The following ATP2B2 variants were observed in gnomAD, a reference collection of about 807,000 sequenced individuals.
The protein encoded by ATP2B2 is ATPase plasma membrane Ca2+ transporting 2.
In ATP2B2, 15 loss-of-function variants were observed where a neutral mutation model predicts 120.0. The ratio of observed to expected loss-of-function variants is 0.12; its 90% CI spans 0.08 to 0.19. The LOEUF is 0.19. Ranked by LOEUF, ATP2B2 falls within the 10% of genes least tolerant of loss-of-function variation. The pLI is 1.00. For synonymous variants in ATP2B2, 694 were observed against 700.3 expected, an observed-to-expected ratio of 0.99 and a Z score of 0.14; for missense variants, 1,045 against 1,719.8, an observed-to-expected ratio of 0.61 and a Z score of 6.94.
intron 1 of ATP2B2, among the ~76,000 whole-genome samples, chr3:10,644,821 G>C (rs912099153): frequency 3.9e-5 from 6 of 152,206 alleles, no homozygotes; most frequent in African/African-American, 1.4e-4. Flanking sequence ...CTAGATAGAA[G>C]TGGTGGCTGC....
chr3:10,488,916 C>T (rs2065832555), intron 1 of ATP2B2, among the ~76,000 whole-genome samples: 1 of 152,178 alleles, frequency 6.6e-6, no homozygotes, highest in South Asian at 2.1e-4. Context: ...TCCTGTCATT[C>T]TTCGAGGAAA....
intron 12 of ATP2B2, among the ~76,000 whole-genome samples, chr3:10,365,503 C>G (rs192499703): frequency 2.6e-5 from 4 of 152,152 alleles, no homozygotes; most frequent in African/African-American, 7.2e-5. Context: ...TGCGGGTGTC[C>G]GGGACGACAG....
chr3:10,410,246 T>A (rs1401003312), intron 3 of ATP2B2, among the ~76,000 whole-genome samples: 1 of 152,208 alleles, frequency 6.6e-6, no homozygotes, highest in Non-Finnish European at 1.5e-5. Context: ...GGTACACCCA[T>A]CACCCAAGCA....
At chr3:10,485,349 G>T (rs941079641) in intron 1 of ATP2B2, among the ~76,000 whole-genome samples, 2 of 152,214 alleles carry the variant, frequency 1.3e-5, no homozygotes, top group Non-Finnish European at 2.9e-5. Context: ...GACAGGGCTG[G>T]GAGCTTTGCC....
chr3:10,476,597 G>T (rs1276284053), intron 1 of ATP2B2, among the ~76,000 whole-genome samples: 2 of 152,196 alleles, frequency 1.3e-5, no homozygotes, highest in Non-Finnish European at 2.9e-5. Context: ...GTGGCTGCAT[G>T]GCACAGGATC....
chr3:10,465,986 G>A (rs1455999793), intron 1 of ATP2B2, among the ~76,000 whole-genome samples: 6 of 152,214 alleles, frequency 3.9e-5, no homozygotes, highest in Admixed American at 3.9e-4. Context: ...ACAAAGCTCA[G>A]AAGAGGCCCT....
intron 2 of ATP2B2, among the ~76,000 whole-genome samples, chr3:10,542,433 A>G (rs773251919): frequency 9.2e-5 from 14 of 152,178 alleles, no homozygotes; most frequent in Non-Finnish European, 1.2e-4. Context: ...TTTGCTTATC[A>G]TGTTCTTCCT....
intron 1 of ATP2B2, among the ~76,000 whole-genome samples, chr3:10,646,738 TG>T (rs201002515): frequency 0.011 from 1,691 of 152,212 alleles, 19 homozygotes; most frequent in Middle Eastern, 0.024. Context: ...GAATAAAGGA[TG>T]GGCTAGAGAA....
intron 5 of ATP2B2, among the ~76,000 whole-genome samples, chr3:10,397,297 G>A (rs1314740068): frequency 6.6e-6 from 1 of 152,220 alleles, no homozygotes; most frequent in African/African-American, 2.4e-5. Flanking sequence ...ACACTACATA[G>A]TAGTGTCGTC....
chr3:10,402,095 T>C lies in ATP2B2; in HGVS notation c.651A>G (p.Lys217=). The change falls in exon 4 of 23, where the codon AAA becomes AAG. Residue 217 remains lysine (K), a synonymous_variant. Coordinates refer to ENST00000360273, the MANE Select transcript of ATP2B2 (RefSeq NM_001001331.4). This position sits in a 1 kb window ranked among gnomAD's most constrained non-coding sequence, Gnocchi z 4.9. The part of the protein sequence containing the change: ...EIVVGDIAQV[K]YGDLLPADGL... The stretch of plus-strand genomic sequence containing the variant: ...CTCTGTGGCTGGGACACTTACCATA[T>C]TTGACCTGGGCTATGTCCCCAACCA... The C allele has an allele frequency of 6.2e-7, 1 of 1,613,832 alleles. No homozygotes were observed. Among genetic ancestry groups the C allele is most frequent in the Non-Finnish European group, 8.5e-7 (1 of 1,180,022 alleles).
intron 2 of ATP2B2, among the ~76,000 whole-genome samples, chr3:10,548,792 T>C (rs1166398049): frequency 6.6e-6 from 1 of 152,244 alleles, no homozygotes; most frequent in African/African-American, 2.4e-5. Context: ...ACCAATATTA[T>C]TCCCATTTTA....
chr3:10,469,690 C>G (rs1321776181), intron 1 of ATP2B2, among the ~76,000 whole-genome samples: 1 of 152,216 alleles, frequency 6.6e-6, no homozygotes, highest in African/African-American at 2.4e-5. Flanking sequence ...ACCACGTGCT[C>G]CATCTACAAA....
intron 1 of ATP2B2, among the ~76,000 whole-genome samples, chr3:10,492,089 ATTT>A (rs1264729739): frequency 6.6e-6 from 1 of 152,158 alleles, no homozygotes; most frequent in Non-Finnish European, 1.5e-5. Context: ...AGCATGCATT[ATTT>A]TTGTAATTCA....
chr3:10,594,752 G>A (rs2068725819), intron 2 of ATP2B2, among the ~76,000 whole-genome samples: 3 of 143,848 alleles, frequency 2.1e-5, no homozygotes, highest in South Asian at 2.2e-4. Flanking sequence ...AAAGAAACAC[G>A]TCTATTTAAT....
At chr3:10,648,967 A>T (rs2070385972) in intron 1 of ATP2B2, among the ~76,000 whole-genome samples, 1 of 152,208 alleles carries the variant, frequency 6.6e-6, no homozygotes, top group Non-Finnish European at 1.5e-5. Context: ...GACCATGACC[A>T]TGTTGATTCA....
At chr3:10,513,511 C>T (rs934991547) in intron 3 of ATP2B2, among the ~76,000 whole-genome samples, 7 of 152,100 alleles carry the variant, frequency 4.6e-5, no homozygotes, top group Non-Finnish European at 8.8e-5. Context: ...ACACGAAGCC[C>T]TCGGTGAGGG....
In ATP2B2 at chr3:10,338,194, C is replaced by T; in HGVS notation, c.3402G>A (p.Leu1134=). ...RRGQILWFRG[L]NRIQTQIRVV... is the part of the protein sequence containing the mutation. ...CCTGTACCTGTGTCTGGATCCGATT[C>T]AGGCCTCGGAACCACAGGATCTGGC... Residue 1134 remains leucine, a synonymous_variant, in exon 22 of 23, where the codon CTG becomes CTA. Transcript: ENST00000360273. The T allele has an allele frequency of 1.2e-6, 2 of 1,614,114 alleles. No individual in the cohort carries two copies. The highest frequency in any genetic ancestry group is 1.7e-6 in the Non-Finnish European group (2 of 1,180,020).
rs777978233 is a variant in ATP2B2 at position 10,547,985 on chromosome 3, G to T, written c.-414-13852C>A. Reference sequence around the variant, plus strand: ...GCACTGGGCAAGGAGTCTGGGCACTGCCTCTGTCATTTCTTATTCATCTTC... The same window carrying T: ...GCACTGGGCAAGGAGTCTGGGCACTTCCTCTGTCATTTCTTATTCATCTTC... On this transcript the variant is annotated intron_variant, in intron 2 of 21. Transcript: ENST00000646379. 2.0e-5 allele frequency among the ~76,000 whole-genome samples: 3 copies of T among 152,332 alleles called. No individual in the cohort carries two copies. The East Asian group carries it at 5.8e-4, about 29-fold the overall frequency.
chr3:10,486,037 C>A (rs1200932742), intron 1 of ATP2B2, among the ~76,000 whole-genome samples: 2 of 152,124 alleles, frequency 1.3e-5, no homozygotes, highest in Non-Finnish European at 2.9e-5. Context: ...ATGGAGGCAC[C>A]CAAGTCAGGT....
Sources: gnomAD v4.1 joint callset for allele counts (sites outside exome capture counted in the v4.1 genomes callset) on GRCh38, gnomAD v4.1.1 for gene constraint, Gnocchi (gnomAD v3.1) non-coding constraint, MANE v1.5 for transcripts, NCBI Gene and HGNC (gene_info 2026-07-23, HGNC 2026-07-21) for gene names.